Variants in DIDO1 observed in about 807,000 individuals in gnomAD.
DIDO1 encodes the protein death-inducer obliterator 1.
Under a neutral mutation model 99.4 loss-of-function variants are expected in DIDO1, and 16 were observed. That is an observed-to-expected ratio of 0.16 (90% confidence interval 0.11 to 0.24). The LOEUF is 0.24. DIDO1 is among the 10% of genes least tolerant of loss of function. The probability of loss-of-function intolerance (pLI) is 1.00; values close to 1 mark genes in which losing one functional copy is unlikely to be tolerated. For missense variants in DIDO1, 2,996 were observed against 3,014.0 expected (o/e 0.99, Z 0.14); for synonymous variants, 1,366 against 1,239.1 (o/e 1.10, Z -2.15).
chr20:62,888,670 G>A (rs757481818), intron 15 of DIDO1: 59 of 985,284 alleles, frequency 6.0e-5, no homozygotes, highest in Non-Finnish European at 6.7e-5. Flanking sequence ...ACACACGCGC[G>A]CACATGCACA....
At chr20:62,892,575 C>G (rs2294997) in intron 13 of DIDO1, among the ~76,000 whole-genome samples, 15,644 of 152,262 alleles carry the variant, frequency 0.1, 1,073 homozygotes, top group East Asian at 0.2. Context: ...AGAGGCCAGA[C>G]TGCAGGCTCA....
At chr20:62,884,232 CA>C (rs1006890344) in intron 15 of DIDO1, among the ~76,000 whole-genome samples, 76 of 152,196 alleles carry the variant, frequency 5.0e-4, no homozygotes, top group Middle Eastern at 3.4e-3. Context: ...AAGATATTCC[CA>C]ACGTCGTAAG....
intron 6 of DIDO1, among the ~76,000 whole-genome samples, chr20:62,903,586 G>A (rs1046531200): frequency 7.2e-5 from 11 of 152,206 alleles, no homozygotes; most frequent in Admixed American, 2.0e-4. Context: ...AGGTGTTTAG[G>A]GGAGAGGCAG....
upstream of DIDO1, among the ~76,000 whole-genome samples, chr20:62,927,925 T>C (rs1180411080): frequency 6.6e-6 from 1 of 152,036 alleles, no homozygotes; most frequent in Non-Finnish European, 1.5e-5. Flanking sequence ...CTCTCAGACA[T>C]GGGGTAGTGG....
intron 15 of DIDO1, among the ~76,000 whole-genome samples, chr20:62,886,226 C>T (rs979954467): frequency 6.6e-6 from 1 of 152,370 alleles, no homozygotes; most frequent in Non-Finnish European, 1.5e-5. Flanking sequence ...TGCGGCTAAA[C>T]GTGCCCCTGC....
rs776319068 is a variant in DIDO1, at chr20:62,879,647, G to T, written c.6309C>A (p.Pro2103=). The T allele has an allele frequency of 1.8e-5, 29 of 1,607,266 alleles. No homozygotes were observed. Among genetic ancestry groups the T allele is most frequent in the Non-Finnish European group, 2.5e-5 (29 of 1,179,756 alleles). Residue 2103 remains proline (P), a synonymous_variant, in exon 16 of 16, where the codon CCC becomes CCA. Transcript: ENST00000395343. This position sits in a 1 kb window ranked among gnomAD's most constrained non-coding sequence, Gnocchi z 6.3. The part of the protein sequence containing the change: ...VGPKEKPLEE[P]DAQGRASEDR... ...CCTCGGACGCCCGGCCCTGGGCGTC[G>T]GGCTCCTCCAGCGGCTTCTCTTTGG...
intron 15 of DIDO1, chr20:62,888,508 A>G: frequency 1.0e-6 from 1 of 985,542 alleles, no homozygotes; most frequent in Non-Finnish European, 1.2e-6. Context: ...CAAGCTGCGC[A>G]GCACACGCTC....
intron 14 of DIDO1, 68 bp downstream of exon 14, chr20:62,891,919 T>A: frequency 3.7e-6 from 5 of 1,342,348 alleles, no homozygotes; most frequent in Non-Finnish European, 5.2e-6. Context: ...AAACGAGAGG[T>A]TAAAAAAAGA....
In DIDO1 at chr20:62,906,042, G is replaced by A; in HGVS notation, c.1433C>T (p.Thr478Ile). The A allele has an allele frequency of 1.2e-6, 2 of 1,613,814 alleles. No homozygotes were observed. The highest frequency in any genetic ancestry group is 1.7e-6 in the Non-Finnish European group (2 of 1,180,006). ...KRPAPEKKET[T>I]VKKAVVVPAR... ...AGGGACCACCACTGCCTTCTTCACT[G>A]TGGTCTCTTTTTTTTCTGGAGCTGG... Residue 478 changes from threonine to isoleucine, a missense_variant, in exon 6 of 16, where the codon ACA (threonine) becomes ATA (isoleucine). Around this residue, in one of 5 missense-constraint regions of DIDO1, gnomAD observed 898 missense variants for 972.7 expected, o/e 0.92. Transcript: ENST00000395343.
intron 6 of DIDO1, among the ~76,000 whole-genome samples, chr20:62,899,960 T>G (rs1408948795): frequency 6.6e-6 from 1 of 152,240 alleles, no homozygotes; most frequent in East Asian, 1.9e-4. Context: ...GAGCTAAAAT[T>G]CAATTTGCAA....
At chr20:62,927,113 T>TG (rs1015522472), upstream of DIDO1, among the ~76,000 whole-genome samples, 29 of 150,426 alleles carry the variant, frequency 1.9e-4, no homozygotes, top group Admixed American at 6.6e-4. Flanking sequence ...AGCGTGGGGG[T>TG]GGGGGGGAGA....
At chr20:62,921,258 A>C (rs188039952) in intron 1 of DIDO1, among the ~76,000 whole-genome samples, 1 of 152,344 alleles carries the variant, frequency 6.6e-6, no homozygotes, top group East Asian at 1.9e-4. Flanking sequence ...AATGTCAAAC[A>C]TGGTGACTAT....
Position 62,895,176 on chromosome 20 carries a change from G to A in DIDO1, c.2215-11C>T, listed in dbSNP as rs1475701822. On this transcript the variant is annotated splice_polypyrimidine_tract_variant and intron_variant, in intron 8 of 15. Transcript: ENST00000395343. ...ACGATGGAAGAGTCCCTATAAACAA[G>A]TATTTTTCATTTACTCAAATAATAT... The A allele has an allele frequency of 5.0e-6, 8 of 1,590,858 alleles. No individual in the cohort carries two copies. Among genetic ancestry groups the A allele is most frequent in the South Asian group, 3.3e-5 (3 of 90,504 alleles).
chr20:62,880,225 G>C lies in DIDO1; in HGVS notation c.5731C>G (p.Gln1911Glu), dbSNP rs1419491830. The C allele has an allele frequency of 1.2e-6, 2 of 1,612,306 alleles. No individual in the cohort carries two copies. The highest frequency in any genetic ancestry group is 2.7e-5 in the African/African-American group (2 of 74,912). ...KGPRGGPPPS[Q>E]FGGQRGPPPG... Reference sequence around the variant, plus strand: ...GGTGGTCCTCTCTGACCTCCAAACTGAGAGGGAGGGGGGCCGCCTCGGGGG... The same window carrying C: ...GGTGGTCCTCTCTGACCTCCAAACTCAGAGGGAGGGGGGCCGCCTCGGGGG... Residue 1911 changes from glutamine to glutamate, a missense_variant, in exon 16 of 16, where the codon CAG (glutamine) becomes GAG (glutamate). Coordinates refer to ENST00000395343, the MANE Select transcript of DIDO1 (RefSeq NM_001193369.2).
chr20:62,894,099 A>G lies in DIDO1; in HGVS notation c.2668T>C (p.Ser890Pro). 6.2e-7 allele frequency: 1 copy of G among 1,614,236 alleles called. No individual in the cohort carries two copies. The highest frequency in any genetic ancestry group is 1.1e-5 in the South Asian group (1 of 91,088). Reference sequence around the variant, plus strand: ...GAATCCGGAGCTGGGTCAGGTGCAGAGCTGTCATGCTTTGATTTTAAGTCT... The same window carrying G: ...GAATCCGGAGCTGGGTCAGGTGCAGGGCTGTCATGCTTTGATTTTAAGTCT... ...KEDLKSKHDSSAPDPAPDSAD... is the reference protein window; with the variant it reads ...KEDLKSKHDSPAPDPAPDSAD... Residue 890 changes from serine to proline, a missense_variant, in exon 12 of 16, where the codon TCT (serine) becomes CCT (proline). By Grantham distance (74) the Ser-to-Pro change is moderately conservative. Around this residue, in one of 5 missense-constraint regions of DIDO1, gnomAD observed 898 missense variants for 972.7 expected, o/e 0.92. Coordinates refer to ENST00000395343, the MANE Select transcript of DIDO1 (RefSeq NM_001193369.2). The surrounding 1 kb of genome is among the most constrained non-coding windows in gnomAD (Gnocchi z 4.4).
At chr20:62,897,071 T>C (rs559715187) in intron 6 of DIDO1, 75 bp from the exon 7 acceptor site, 2 of 1,409,218 alleles carry the variant, frequency 1.4e-6, no homozygotes, top group East Asian at 2.4e-5. Context: ...AAAAGCAGAC[T>C]TACCCTTAAA....
intron 12 of DIDO1, 57 bp downstream of exon 12, chr20:62,893,609 C>G: frequency 6.7e-7 from 1 of 1,497,058 alleles, no homozygotes; most frequent in Non-Finnish European, 9.0e-7. Flanking sequence ...GTTATCTTTC[C>G]TTTCGTTAAT....
intron 1 of DIDO1, among the ~76,000 whole-genome samples, chr20:62,936,296 G>A (rs1057117762): frequency 6.6e-6 from 1 of 152,140 alleles, no homozygotes; most frequent in Non-Finnish European, 1.5e-5. Context: ...GCTCATGACT[G>A]TAATCCGAGC....
Position 62,906,014 on chromosome 20 carries a change from C to T in DIDO1, c.1461G>A (p.Ala487=), listed in dbSNP as rs534365861. ...TTVKKAVVVP[A]RSEALGKEAA... ...CTTCCTTCCCGAGTGCTTCACTCCG[C>T]GCAGGGACCACCACTGCCTTCTTCA... The change falls in exon 6 of 16, where the codon GCG becomes GCA. Residue 487 remains alanine (A), a synonymous_variant. Coordinates refer to ENST00000395343, the MANE Select transcript of DIDO1 (RefSeq NM_001193369.2). The T allele has an allele frequency of 2.8e-5, 45 of 1,614,044 alleles. No individual in the cohort carries two copies. The highest frequency in any genetic ancestry group is 2.5e-4 in the Admixed American group (15 of 60,032).
Sources: allele counts gnomAD v4.1 joint callset (sites outside exome capture counted in the v4.1 genomes callset), GRCh38; gene constraint gnomAD v4.1.1; regional missense constraint gnomAD v4.1.1; non-coding constraint Gnocchi (gnomAD v3.1); transcripts MANE v1.5; gene names NCBI Gene and HGNC (gene_info 2026-07-23, HGNC 2026-07-21).